The following MRTFB variants were observed in gnomAD, a reference collection of about 807,000 sequenced individuals.
The protein encoded by MRTFB is myocardin-related transcription factor B.
MRTFB carries 29 observed loss-of-function variants against 104.2 expected under a neutral mutation model. The ratio of observed to expected loss-of-function variants is 0.28; its 90% confidence interval spans 0.21 to 0.38. The LOEUF (loss-of-function observed/expected upper bound fraction) is 0.38. Ranked by LOEUF, MRTFB falls within the 10% of genes least tolerant of loss-of-function variation. The pLI, the probability that MRTFB is intolerant of heterozygous loss-of-function variation, is 1.00. For missense variants in MRTFB, 1,270 were observed against 1,341.6 expected (o/e 0.95, Z 0.83); for synonymous variants, 535 against 519.5 (o/e 1.03, Z -0.41).
chr16:14,131,773 T>C (rs1567361303), intron 2 of MRTFB, among the ~76,000 whole-genome samples: 1 of 138,836 alleles, frequency 7.2e-6, no homozygotes, highest in African/African-American at 3.3e-5. Context: ...AGGATAACTA[T>C]AATTTAAAAA....
At chr16:14,219,268 A>G (rs1038398932) in intron 8 of MRTFB, among the ~76,000 whole-genome samples, 2 of 152,248 alleles carry the variant, frequency 1.3e-5, no homozygotes, top group Non-Finnish European at 2.9e-5. Flanking sequence ...TTGTTCAACA[A>G]ATACACATTG....
At chr16:14,005,229 G>A in the MRTFB span, among the ~76,000 whole-genome samples, 1 of 152,232 alleles carries the variant, frequency 6.6e-6, no homozygotes, top group Non-Finnish European at 1.5e-5. Flanking sequence ...AAGTAATGAA[G>A]GGAGCTCTCT....
At chr16:14,053,656 G>A in the MRTFB span, among the ~76,000 whole-genome samples, 5 of 150,456 alleles carry the variant, frequency 3.3e-5, no homozygotes, top group Admixed American at 1.3e-4. Flanking sequence ...ACTTGAAAGC[G>A]GGAGGCAGAG....
intron 10 of MRTFB, among the ~76,000 whole-genome samples, chr16:14,244,931 A>G (rs2042947672): frequency 6.6e-6 from 1 of 152,236 alleles, no homozygotes; most frequent in African/African-American, 2.4e-5. Context: ...CCCAAAGGCC[A>G]TGAAGATACT....
At chr16:14,162,875 A>C (rs187657365) in intron 3 of MRTFB, among the ~76,000 whole-genome samples, 1 of 152,214 alleles carries the variant, frequency 6.6e-6, no homozygotes. Context: ...CTGCATGTCT[A>C]TTATACTAAA....
At chr16:14,247,659 A>T in intron 12 of MRTFB, 152 bp downstream of exon 12, 2 of 665,250 alleles carry the variant, frequency 3.0e-6, no homozygotes, top group Non-Finnish European at 5.0e-6. Context: ...GTTATTCAGA[A>T]ATCTGAATAT....
the MRTFB span, among the ~76,000 whole-genome samples, chr16:14,017,407 C>A: frequency 1.1e-4 from 17 of 151,268 alleles, no homozygotes. Flanking sequence ...TGGCCTGCAG[C>A]AAAAACTGGA....
intron 3 of MRTFB, chr16:14,200,705 A>G: frequency 6.5e-7 from 1 of 1,531,708 alleles, no homozygotes; most frequent in African/African-American, 1.4e-5. Context: ...AGAGAATGAA[A>G]CTGTGTCAGA....
At chr16:14,220,508 T>C (rs2041644376) in intron 8 of MRTFB, among the ~76,000 whole-genome samples, 1 of 152,228 alleles carries the variant, frequency 6.6e-6, no homozygotes, top group Admixed American at 6.5e-5. Context: ...ATTTCCATAC[T>C]CTTAAAACGT....
chr16:14,052,693 G>A, the MRTFB span, among the ~76,000 whole-genome samples: 1 of 150,642 alleles, frequency 6.6e-6, no homozygotes, highest in African/African-American at 2.4e-5. Flanking sequence ...GAGCCGAGAT[G>A]GTGCCATTGC....
intron 3 of MRTFB, among the ~76,000 whole-genome samples, chr16:14,157,956 A>G (rs2038888065): frequency 6.6e-6 from 1 of 152,240 alleles, no homozygotes; most frequent in South Asian, 2.1e-4. Flanking sequence ...AAATGTAATT[A>G]TTTGAATTAA....
At chr16:14,257,044 G>A (rs117772617) in intron 15 of MRTFB, among the ~76,000 whole-genome samples, 423 of 152,246 alleles carry the variant, frequency 2.8e-3, no homozygotes, top group Admixed American at 4.8e-3. Flanking sequence ...GTGCAATACC[G>A]CTACACACCT....
At chr16:14,195,127 A>G (rs1017679358) in intron 3 of MRTFB, among the ~76,000 whole-genome samples, 1 of 152,222 alleles carries the variant, frequency 6.6e-6, no homozygotes, top group Non-Finnish European at 1.5e-5. Flanking sequence ...TTGAATCTAA[A>G]CAGTAGAGCA....
upstream of MRTFB, among the ~76,000 whole-genome samples, chr16:14,069,194 C>A (rs1049815960): frequency 1.3e-5 from 2 of 152,108 alleles, no homozygotes; most frequent in Non-Finnish European, 2.9e-5. Flanking sequence ...TGGTCTTGAA[C>A]TCCTGACCTC....
chr16:14,028,279 T>G, the MRTFB span, among the ~76,000 whole-genome samples: 1 of 152,160 alleles, frequency 6.6e-6, no homozygotes, highest in Non-Finnish European at 1.5e-5. Flanking sequence ...TGCCCTAGTC[T>G]GACTCTGAAG....
intron 7 of MRTFB, among the ~76,000 whole-genome samples, chr16:14,217,626 A>G (rs897541896): frequency 6.6e-6 from 1 of 152,218 alleles, no homozygotes; most frequent in Non-Finnish European, 1.5e-5. Flanking sequence ...TTAAAGTCAT[A>G]CCAGTGCAAA....
intron 2 of MRTFB, among the ~76,000 whole-genome samples, chr16:14,131,675 C>T (rs1215335136): frequency 1.3e-5 from 2 of 151,442 alleles, no homozygotes; most frequent in African/African-American, 4.8e-5. Context: ...ATATAAATGG[C>T]CAATAAAACA....
chr16:14,231,088 A>G (rs1025777704), intron 8 of MRTFB, among the ~76,000 whole-genome samples: 1 of 145,284 alleles, frequency 6.9e-6, no homozygotes, highest in African/African-American at 2.5e-5. Context: ...AACAATGAGA[A>G]CACATGGACA....
the MRTFB span, among the ~76,000 whole-genome samples, chr16:14,024,082 G>A: frequency 7.1e-3 from 1,077 of 151,798 alleles, 7 homozygotes; most frequent in African/African-American, 0.023. Flanking sequence ...CTGGTGCATC[G>A]TGGCAGCTGC....
Sources: gnomAD v4.1 joint callset for allele counts (sites outside exome capture counted in the v4.1 genomes callset) on GRCh38, gnomAD v4.1.1 for gene constraint, MANE v1.5 for transcripts, NCBI Gene and HGNC (gene_info 2026-07-23, HGNC 2026-07-21) for gene names.